TRAK1: variants seen among roughly 807,000 people sequenced by gnomAD.
The protein encoded by TRAK1 is trafficking kinesin protein 1.
TRAK1 carries 33 observed loss-of-function variants against 92.1 expected under a neutral mutation model. The ratio of observed to expected loss-of-function variants is 0.36; its 90% CI spans 0.27 to 0.48. The LOEUF (loss-of-function observed/expected upper bound fraction) is 0.48, where lower values mean the gene tolerates loss of function less well. Ranked by LOEUF, TRAK1 falls within the 20% of genes least tolerant of loss-of-function variation. TRAK1 has a pLI of 0.99. For missense variants in TRAK1, 1,123 were observed against 1,257.9 expected (o/e 0.89, Z 1.62); for synonymous variants, 521 against 517.3 (o/e 1.01, Z -0.10).
At chr3:42,159,303 C>T (rs566111920) in intron 2 of TRAK1, among the ~76,000 whole-genome samples, 2 of 152,072 alleles carry the variant, frequency 1.3e-5, no homozygotes, top group South Asian at 4.1e-4. Flanking sequence ...CCTGGTGTAG[C>T]TGTTAGGAGC....
At chr3:42,114,721 C>CT (rs58651569) in intron 1 of TRAK1, among the ~76,000 whole-genome samples, 24 of 150,350 alleles carry the variant, frequency 1.6e-4, no homozygotes, top group Admixed American at 4.0e-4. Flanking sequence ...ATTTTTTTTT[C>CT]TTTTTTTTTG....
intron 1 of TRAK1, among the ~76,000 whole-genome samples, chr3:42,039,553 A>G (rs1222056173): frequency 2.6e-5 from 4 of 152,182 alleles, no homozygotes; most frequent in Non-Finnish European, 5.9e-5. Context: ...TAGTAGAGAC[A>G]GGGTTTCGCC....
chr3:42,049,381 GGT>G (rs1376721835), intron 1 of TRAK1, among the ~76,000 whole-genome samples: 6 of 151,372 alleles, frequency 4.0e-5, no homozygotes, highest in African/African-American at 1.5e-4. Flanking sequence ...GGTACTGGGT[GGT>G]ACTTTTAAAA....
chr3:42,154,540 A>C (rs1413080984), intron 2 of TRAK1, among the ~76,000 whole-genome samples: 1 of 152,072 alleles, frequency 6.6e-6, no homozygotes, highest in Admixed American at 6.5e-5. Context: ...GTGCAGTGGC[A>C]TGATCAAGAC....
chr3:42,086,647 A>C (rs1418116462), upstream of TRAK1, among the ~76,000 whole-genome samples: 4 of 151,966 alleles, frequency 2.6e-5, no homozygotes, highest in African/African-American at 9.7e-5. Flanking sequence ...GGAGTCCCCT[A>C]ATTTCTCACT....
intron 10 of TRAK1, among the ~76,000 whole-genome samples, chr3:42,196,240 G>A (rs1279715621): frequency 6.6e-6 from 1 of 152,196 alleles, no homozygotes; most frequent in Non-Finnish European, 1.5e-5. Context: ...TCTAAAGATT[G>A]CATCATGCAG....
upstream of TRAK1, among the ~76,000 whole-genome samples, chr3:42,089,875 C>T (rs1277610675): frequency 3.9e-5 from 6 of 152,156 alleles, no homozygotes; most frequent in African/African-American, 1.4e-4. Context: ...GTAGTGCCTG[C>T]CTGTGGCCAG....
chr3:42,210,025 G>A (rs1451770202), intron 14 of TRAK1, 40 bp downstream of exon 14: 1 of 1,614,146 alleles, frequency 6.2e-7, no homozygotes, highest in Non-Finnish European at 8.5e-7. Flanking sequence ...TCAGGCAGCA[G>A]AAGTTACCCG....
chr3:42,217,620 T>G (rs190802430), intron 14 of TRAK1: 228 of 985,452 alleles, frequency 2.3e-4, no homozygotes, highest in Non-Finnish European at 2.7e-4. Flanking sequence ...AATGGGGGTA[T>G]GCTTCTGATT....
At chr3:42,167,633 C>G (rs1702032521) in intron 2 of TRAK1, among the ~76,000 whole-genome samples, 1 of 152,316 alleles carries the variant, frequency 6.6e-6, no homozygotes, top group East Asian at 1.9e-4. Context: ...GTAATCCCAG[C>G]ACTTTGGGAG....
intron 2 of TRAK1, among the ~76,000 whole-genome samples, chr3:42,174,723 T>C (rs1423941252): frequency 2.7e-5 from 4 of 148,704 alleles, no homozygotes; most frequent in South Asian, 2.1e-4. Flanking sequence ...TAAAATTTTA[T>C]ATATATACAA....
chr3:42,157,515 G>C (rs1481070362), intron 2 of TRAK1, among the ~76,000 whole-genome samples: 1 of 134,638 alleles, frequency 7.4e-6, no homozygotes, highest in Admixed American at 8.1e-5. Context: ...TAGTGGGACC[G>C]CTCCACAGCA....
chr3:42,034,424 C>G (rs971855951), intron 1 of TRAK1, among the ~76,000 whole-genome samples: 2 of 152,152 alleles, frequency 1.3e-5, no homozygotes, highest in Non-Finnish European at 2.9e-5. Context: ...TCCTGAATAG[C>G]TGGGACCACA....
chr3:42,095,837 G>A (rs987494364), intron 1 of TRAK1, among the ~76,000 whole-genome samples: 1 of 152,178 alleles, frequency 6.6e-6, no homozygotes. Context: ...ATGGTATCAG[G>A]TGGTGGAGCC....
chr3:42,093,664 TCCCTCCCCTCCCCTCCCCTCCCCTC>T (rs1228967374), intron 1 of TRAK1, among the ~76,000 whole-genome samples: 2 of 18,560 alleles, frequency 1.1e-4, no homozygotes, highest in Admixed American at 6.5e-4. Flanking sequence ...TCCCTTCCCT[TCCCTCCCCTCCCCTCCCCTCCCCTC>T]CCCTCCCCTC....
intron 10 of TRAK1, among the ~76,000 whole-genome samples, chr3:42,198,225 G>T (rs1252066343): frequency 6.6e-6 from 1 of 152,188 alleles, no homozygotes; most frequent in African/African-American, 2.4e-5. Context: ...CTGAGTGATG[G>T]GTGGTACAGG....
intron 1 of TRAK1, among the ~76,000 whole-genome samples, chr3:42,068,082 C>T (rs773559876): frequency 6.6e-6 from 1 of 151,774 alleles, no homozygotes; most frequent in Non-Finnish European, 1.5e-5. Flanking sequence ...TCCCTTGAAC[C>T]TGGGAGGCGG....
intron 1 of TRAK1, among the ~76,000 whole-genome samples, chr3:42,048,059 C>T (rs1702830053): frequency 6.6e-6 from 1 of 151,774 alleles, no homozygotes; most frequent in Admixed American, 6.6e-5. Flanking sequence ...CCTTAGTAAC[C>T]CCTCTCTCCT....
intron 2 of TRAK1, among the ~76,000 whole-genome samples, chr3:42,167,861 C>G (rs1468627595): frequency 6.6e-6 from 1 of 152,196 alleles, no homozygotes; most frequent in East Asian, 1.9e-4. Context: ...GCCTGGGCGT[C>G]ACAGCCGACA....
Sources: allele counts gnomAD v4.1 joint callset (sites outside exome capture counted in the v4.1 genomes callset), GRCh38; gene constraint gnomAD v4.1.1; transcripts MANE v1.5; gene names NCBI Gene and HGNC (gene_info 2026-07-23, HGNC 2026-07-21).